Variants in RFX4 observed in about 807,000 individuals in gnomAD.
The protein encoded by RFX4 is regulatory factor X4.
RFX4 carries 10 observed loss-of-function variants against 95.0 expected under a neutral mutation model. The observed-to-expected ratio is 0.11, with a 90% confidence interval of 0.06 to 0.18. The LOEUF is 0.18. Among genes scored for constraint, RFX4 ranks in the 10% least tolerant of loss-of-function variants. The pLI, the probability that RFX4 is intolerant of heterozygous loss-of-function variation, is 1.00. For synonymous variants in RFX4, 321 were observed against 340.7 expected (o/e 0.94, Z 0.64); for missense variants, 640 against 922.0 (o/e 0.69, Z 3.96).
chr12:106,602,365 A>G (rs1328847572), intron 1 of RFX4, among the ~76,000 whole-genome samples: 1 of 152,232 alleles, frequency 6.6e-6, no homozygotes, highest in East Asian at 1.9e-4. Context: ...TTAAAGCCAA[A>G]CACACTAAGT....
intron 8 of RFX4, among the ~76,000 whole-genome samples, chr12:106,698,780 C>T (rs1269069124): frequency 6.6e-6 from 1 of 151,448 alleles, no homozygotes; most frequent in African/African-American, 2.4e-5. Flanking sequence ...TTCTCATTCC[C>T]GATGTAGGTA....
intron 3 of RFX4, among the ~76,000 whole-genome samples, chr12:106,653,385 C>T (rs2040892125): frequency 6.6e-6 from 1 of 152,194 alleles, no homozygotes; most frequent in Non-Finnish European, 1.5e-5. Flanking sequence ...ATGCACGTGC[C>T]AGGCACCATG....
intron 7 of RFX4, among the ~76,000 whole-genome samples, chr12:106,692,071 C>T (rs953532368): frequency 5.3e-5 from 8 of 151,484 alleles, no homozygotes; most frequent in African/African-American, 1.9e-4. Context: ...GCAGGAGAAT[C>T]GCTTGAACCC....
chr12:106,742,338 C>T (rs1432538620), intron 15 of RFX4, among the ~76,000 whole-genome samples: 1 of 152,102 alleles, frequency 6.6e-6, no homozygotes, highest in Non-Finnish European at 1.5e-5. Flanking sequence ...AAGCACACAC[C>T]ACCACACCCA....
At chr12:106,613,974 C>T (rs1445063342) in intron 2 of RFX4, among the ~76,000 whole-genome samples, 1 of 152,188 alleles carries the variant, frequency 6.6e-6, no homozygotes, top group Non-Finnish European at 1.5e-5. Context: ...TAGACTCCCA[C>T]TATCAATTTA....
intron 2 of RFX4, among the ~76,000 whole-genome samples, chr12:106,624,183 T>C: frequency 6.6e-6 from 1 of 152,180 alleles, no homozygotes; most frequent in Admixed American, 6.5e-5. Context: ...CAGAACTCTA[T>C]CATTTATAGC....
intron 4 of RFX4, among the ~76,000 whole-genome samples, chr12:106,662,765 CT>C (rs200455552): frequency 6.6e-6 from 1 of 151,946 alleles, no homozygotes; most frequent in East Asian, 1.9e-4. Context: ...TCTAGATTCA[CT>C]TTTTTTGCAT....
At chr12:106,665,028 G>T (rs1450513849) in intron 4 of RFX4, among the ~76,000 whole-genome samples, 2 of 151,772 alleles carry the variant, frequency 1.3e-5, no homozygotes, top group Non-Finnish European at 3.0e-5. Context: ...ATATTTAATT[G>T]ATTCATGTCC....
chr12:106,748,930 C>T (rs1593013112), intron 16 of RFX4, among the ~76,000 whole-genome samples: 1 of 152,000 alleles, frequency 6.6e-6, no homozygotes, highest in Admixed American at 6.6e-5. Context: ...ACTAAAAATA[C>T]AAAAATTAGC....
At chr12:106,748,812 G>A (rs904979350) in intron 16 of RFX4, among the ~76,000 whole-genome samples, 2 of 151,550 alleles carry the variant, frequency 1.3e-5, no homozygotes, top group Admixed American at 6.6e-5. Context: ...TGGGCTGGGC[G>A]CAGTGGCTCA....
chr12:106,599,533 A>C (rs2039669636), intron 1 of RFX4, among the ~76,000 whole-genome samples: 1 of 151,888 alleles, frequency 6.6e-6, no homozygotes, highest in South Asian at 2.1e-4. Context: ...TTGTGTTGGG[A>C]AGCCATATTC....
chr12:106,755,393 G>C (rs1217191601), intron 17 of RFX4, among the ~76,000 whole-genome samples: 1 of 152,142 alleles, frequency 6.6e-6, no homozygotes. Context: ...ACCACACCTA[G>C]ACTTTTCCCT....
At chr12:106,719,489 A>G (rs1407996950) in intron 11 of RFX4, among the ~76,000 whole-genome samples, 2 of 152,228 alleles carry the variant, frequency 1.3e-5, no homozygotes, top group East Asian at 3.9e-4. Context: ...AGGGAGACAC[A>G]CATGCCCACC....
In RFX4 at chr12:106,761,371, C is replaced by T. The variant is rs1326162749; in HGVS notation, c.2110C>T (p.Pro704Ser). The change falls in exon 18 of 18, where the codon CCT becomes TCT. Residue 704 changes from proline to serine, a missense_variant. Around this residue, in one of 7 missense-constraint regions of RFX4, gnomAD observed 300 missense variants for 346.8 expected, o/e 0.87. Coordinates refer to ENST00000392842, the MANE Select transcript of RFX4 (RefSeq NM_213594.3). Reference protein sequence around the residue: ...RYGNSSDMYTPLTTRRNSEYE... With the variant: ...RYGNSSDMYTSLTTRRNSEYE... ...CGGAAACTCTAGTGACATGTATACA[C>T]CTCTGACAACGCGCAGGAATTCTGA... The T allele has an allele frequency of 1.9e-6, 3 of 1,614,148 alleles. No homozygotes were observed. The highest frequency in any genetic ancestry group is 2.2e-5 in the East Asian group (1 of 44,878).
chr12:106,710,823 GA>G (rs1200395874), intron 9 of RFX4, among the ~76,000 whole-genome samples: 1 of 152,166 alleles, frequency 6.6e-6, no homozygotes, highest in Non-Finnish European at 1.5e-5. Context: ...TGTCTGCGTT[GA>G]AATCCACAGA....
intron 14 of RFX4, 130 bp downstream of exon 14, chr12:106,732,379 A>C (rs979681828): frequency 2.3e-5 from 30 of 1,297,896 alleles, no homozygotes; most frequent in Non-Finnish European, 2.8e-5. Context: ...AGTGGTATCA[A>C]ACCAATCATG....
intron 1 of RFX4, among the ~76,000 whole-genome samples, chr12:106,603,407 T>G (rs1395290234): frequency 2.6e-5 from 4 of 152,246 alleles, no homozygotes; most frequent in African/African-American, 9.6e-5. Flanking sequence ...TTCCAAATCT[T>G]CAGTCCAAAG....
intron 3 of RFX4, among the ~76,000 whole-genome samples, chr12:106,646,431 C>CAAA (rs56305939): frequency 0.01 from 690 of 66,244 alleles, 24 homozygotes; most frequent in South Asian, 0.021. Flanking sequence ...TAGTTTTATC[C>CAAA]AAAAAAAAAA....
intron 11 of RFX4, 108 bp downstream of exon 11, chr12:106,715,652 T>G: frequency 7.9e-7 from 1 of 1,266,034 alleles, no homozygotes; most frequent in South Asian, 1.4e-5. Context: ...TCCCAGCATC[T>G]CTTCCTCCTT....
Sources: gnomAD v4.1 joint callset for allele counts (sites outside exome capture counted in the v4.1 genomes callset) on GRCh38, gnomAD v4.1.1 for gene constraint, gnomAD v4.1.1 regional missense constraint, MANE v1.5 for transcripts, NCBI Gene and HGNC (gene_info 2026-07-23, HGNC 2026-07-21) for gene names.